LRRC4C: variants seen among roughly 807,000 people sequenced by gnomAD.
LRRC4C encodes the protein leucine-rich repeat-containing protein 4C.
In LRRC4C, 5 loss-of-function variants were observed where a neutral mutation model predicts 33.6. That is an observed-to-expected ratio of 0.15 (90% CI 0.08 to 0.31). LRRC4C has a LOEUF of 0.31. LRRC4C is among the 10% of genes least tolerant of loss of function. LRRC4C has a pLI of 1.00. For synonymous variants in LRRC4C, 329 were observed against 302.0 expected (o/e 1.09, Z -0.93); for missense variants, 560 against 796.7 (o/e 0.70, Z 3.58).
chr11:40,517,980 T>C (rs1197365663), intron 3 of LRRC4C, among the ~76,000 whole-genome samples: 3 of 152,164 alleles, frequency 2.0e-5, no homozygotes, highest in Non-Finnish European at 2.9e-5. Flanking sequence ...ATCTGATCTT[T>C]GACAAACCTG....
chr11:40,477,909 C>T (rs2138369885), intron 3 of LRRC4C, among the ~76,000 whole-genome samples: 1 of 151,724 alleles, frequency 6.6e-6, no homozygotes. Flanking sequence ...ATAACTGAAT[C>T]ATGGGGGCAG....
At chr11:40,949,846 G>T (rs1359301769) in intron 1 of LRRC4C, among the ~76,000 whole-genome samples, 1 of 150,868 alleles carries the variant, frequency 6.6e-6, no homozygotes, top group African/African-American at 2.4e-5. Context: ...ATAATGACAG[G>T]ATCAAATTCA....
intron 2 of LRRC4C, among the ~76,000 whole-genome samples, chr11:40,847,481 A>G (rs951729675): frequency 6.6e-6 from 1 of 152,184 alleles, no homozygotes; most frequent in Non-Finnish European, 1.5e-5. Context: ...CCAGACTTGC[A>G]TCCCAGGGTT....
chr11:40,601,717 T>C (rs1251717651), intron 3 of LRRC4C, among the ~76,000 whole-genome samples: 1 of 152,242 alleles, frequency 6.6e-6, no homozygotes, highest in East Asian at 1.9e-4. Context: ...GAGTGTGTTA[T>C]AAATTACATG....
At chr11:40,736,038 C>T (rs552959944) in intron 2 of LRRC4C, among the ~76,000 whole-genome samples, 88 of 151,706 alleles carry the variant, frequency 5.8e-4, no homozygotes, top group African/African-American at 2.0e-3. Context: ...TGAGTTCATA[C>T]GTTCTGGGAT....
At chr11:40,153,233 A>C (rs2135139899) in intron 5 of LRRC4C, among the ~76,000 whole-genome samples, 1 of 152,302 alleles carries the variant, frequency 6.6e-6, no homozygotes, top group Admixed American at 6.5e-5. Flanking sequence ...TGTCCATAGG[A>C]AAAGTGGGGA....
At chr11:40,650,148 T>A (rs56320333) in intron 2 of LRRC4C, among the ~76,000 whole-genome samples, 5,784 of 152,224 alleles carry the variant, frequency 0.038, 165 homozygotes, top group African/African-American at 0.077. Flanking sequence ...ATATCCTAAT[T>A]ATGATGAAAC....
At chr11:40,988,474 C>G (rs935731505) in intron 1 of LRRC4C, among the ~76,000 whole-genome samples, 1 of 152,102 alleles carries the variant, frequency 6.6e-6, no homozygotes, top group Non-Finnish European at 1.5e-5. Context: ...TAAAACAATC[C>G]AGTCATCAGC....
chr11:41,316,709 T>C (rs905399043), intron 1 of LRRC4C, among the ~76,000 whole-genome samples: 4 of 152,220 alleles, frequency 2.6e-5, no homozygotes, highest in African/African-American at 9.6e-5. Flanking sequence ...CTGACATGCA[T>C]TGTAATAAAG....
rs201131448 is a variant in LRRC4C at position 40,858,692 on chromosome 11, TAAAAAAAAAAAA to T, written c.-407+74931_-407+74942del. 6.2e-5 allele frequency among the ~76,000 whole-genome samples: 5 copies of T among 80,168 alleles called. No homozygotes were observed. In the East Asian group the frequency reaches 1.0e-3, roughly 16 times the overall value. 52.6% of individuals were successfully genotyped at this position (80,168 alleles called of 152,430 possible). Reference sequence around the variant, plus strand: ...CTGGTAACAGAGTGAGACTCCTTCTTAAAAAAAAAAAAAAAAAAAAAAAAAAGATTGTGTGCA... The same window carrying T: ...CTGGTAACAGAGTGAGACTCCTTCTTAAAAAAAAAAAAAAGATTGTGTGCA... On this transcript the variant is annotated intron_variant, in intron 2 of 6. Transcript: ENST00000528697.
At chr11:41,400,921 T>C (rs1448917750) in intron 1 of LRRC4C, among the ~76,000 whole-genome samples, 1 of 151,666 alleles carries the variant, frequency 6.6e-6, no homozygotes, top group East Asian at 1.9e-4. Flanking sequence ...GCTGAACATA[T>C]CTTGAACACA....
chr11:40,402,430 C>T (rs1169490228), intron 3 of LRRC4C, among the ~76,000 whole-genome samples: 1 of 152,004 alleles, frequency 6.6e-6, no homozygotes, highest in Admixed American at 6.6e-5. Flanking sequence ...GCAGTTGAAA[C>T]TAAGACTCAT....
chr11:41,406,840 C>A (rs1356649284), intron 1 of LRRC4C, among the ~76,000 whole-genome samples: 1 of 151,586 alleles, frequency 6.6e-6, no homozygotes, highest in Non-Finnish European at 1.5e-5. Context: ...TGATTATTTT[C>A]ATAAAAATTA....
intron 2 of LRRC4C, among the ~76,000 whole-genome samples, chr11:40,891,272 A>G (rs1955696962): frequency 6.6e-6 from 1 of 151,994 alleles, no homozygotes; most frequent in Admixed American, 6.6e-5. Context: ...TCAAACAACA[A>G]CAACAACAAC....
chr11:41,137,091 T>C (rs769023867), intron 1 of LRRC4C, among the ~76,000 whole-genome samples: 2 of 151,696 alleles, frequency 1.3e-5, no homozygotes, highest in Admixed American at 6.6e-5. Context: ...CTAGTAAAAA[T>C]ACAAAAATTA....
chr11:41,422,246 G>T (rs536956285), intron 1 of LRRC4C, among the ~76,000 whole-genome samples: 1 of 152,028 alleles, frequency 6.6e-6, no homozygotes, highest in East Asian at 1.9e-4. Context: ...TCATCTCAGG[G>T]GGCTGAGCTC....
In LRRC4C at chr11:41,045,599, C is replaced by T. The variant is rs138501188; in HGVS notation, c.-495-111876G>A. Among the ~76,000 whole-genome samples, 736 of 152,104 alleles carry T rather than the reference C, an allele frequency of 4.8e-3. 7 individuals carry two copies. Among genetic ancestry groups the T allele is most frequent in the African/African-American group, 0.016 (662 of 41,516 alleles). ...GGTGTTGAACATATGAGATAAGGTC[C>T]GTGATGAATTCACATAGCTTTAGTG... On this transcript the variant is annotated intron_variant, in intron 1 of 6. Coordinates refer to ENST00000528697, the MANE Select transcript of LRRC4C (RefSeq NM_001258419.2).
chr11:40,380,642 A>G (rs1948828211), intron 3 of LRRC4C, among the ~76,000 whole-genome samples: 1 of 152,194 alleles, frequency 6.6e-6, no homozygotes, highest in South Asian at 2.1e-4. Context: ...ATGAGATAAT[A>G]CGTGTAAAGT....
intron 2 of LRRC4C, among the ~76,000 whole-genome samples, chr11:40,846,849 A>T (rs1953202863): frequency 1.3e-5 from 2 of 152,048 alleles, no homozygotes; most frequent in Admixed American, 1.3e-4. Context: ...AGTGGTGTGT[A>T]GTTCTCTTTG....
Sources: gnomAD v4.1 joint callset for allele counts (sites outside exome capture counted in the v4.1 genomes callset) on GRCh38, gnomAD v4.1.1 for gene constraint, MANE v1.5 for transcripts, NCBI Gene and HGNC (gene_info 2026-07-23, HGNC 2026-07-21) for gene names.